The following RFPL3 variants were observed in gnomAD, a reference collection of about 807,000 sequenced individuals.
The protein encoded by RFPL3 is ret finger protein like 3.
RFPL3 carries 8 observed loss-of-function variants against 8.7 expected under a neutral mutation model. That is an observed-to-expected ratio of 0.92 (90% CI 0.54 to 1.66). The LOEUF (loss-of-function observed/expected upper bound fraction) is 1.66, where lower values mean the gene tolerates loss of function less well. Among genes scored for constraint, RFPL3 ranks in the 40% most tolerant of loss-of-function variants. RFPL3 has a pLI of 0.00. For synonymous variants in RFPL3, 145 were observed against 150.5 expected (o/e 0.96, Z 0.27); for missense variants, 341 against 395.0 (o/e 0.86, Z 1.16).
At chr22:32,355,875 C>A (rs535325456), upstream of RFPL3, among the ~76,000 whole-genome samples, 5 of 151,994 alleles carry the variant, frequency 3.3e-5, no homozygotes, top group African/African-American at 1.2e-4. Flanking sequence ...TGCATATTCT[C>A]ATAGAAATAA....
At position 32,360,885 on chromosome 22, in the gene RFPL3, T is replaced by C. The variant is rs1340493000; in HGVS notation, c.*53T>C. The C allele has an allele frequency of 2.0e-6, 3 of 1,491,156 alleles. No individual in the cohort carries two copies. The highest frequency in any genetic ancestry group is 1.8e-6 in the Non-Finnish European group (2 of 1,116,604). 92.4% of individuals were successfully genotyped at this position (1,491,156 alleles called of 1,614,324 possible). ...AGAAAATTACTTGGGTGGGTAGACT[T>C]AGGAATTTTCTACTTGGTAAAAGCA... On this transcript the variant is annotated 3_prime_UTR_variant, in exon 2 of 2. Transcript: ENST00000249007.
intron 1 of RFPL3, chr22:32,359,794 C>T (rs1932759118): frequency 1.2e-5 from 2 of 165,808 alleles, no homozygotes; most frequent in African/African-American, 4.8e-5. Context: ...GAACTGTGCA[C>T]AATTAATTTG....
upstream of RFPL3, among the ~76,000 whole-genome samples, chr22:32,357,569 C>T (rs774011497): frequency 7.2e-5 from 11 of 152,058 alleles, no homozygotes; most frequent in South Asian, 2.1e-4. Flanking sequence ...CAGGTTCAAG[C>T]GATTCTCCTG....
rs566034001 is a variant in RFPL3 at position 32,360,180 on chromosome 22, C to A, written c.374-72C>A. On this transcript the variant is annotated intron_variant, in intron 1 of 1. Transcript: ENST00000249007. The stretch of plus-strand genomic sequence containing the variant: ...AAACTAAAGTCAGGAGATATTTGGG[C>A]CTTTGAAGTAGAAGAGAGGCATGGG... 5 of 1,511,112 alleles carry A rather than the reference C, an allele frequency of 3.3e-6. No individual in the cohort carries two copies. The African/African-American group carries it at 4.2e-5, about 13-fold the overall frequency. The allele number at this position is 1,511,112 out of a possible 1,614,324, so 93.6% of individuals were successfully genotyped here.
intron 1 of RFPL3, chr22:32,359,917 A>G: frequency 3.2e-6 from 1 of 309,840 alleles, no homozygotes; most frequent in Admixed American, 4.6e-5. Flanking sequence ...TGTCTTAATT[A>G]TCATTTATTT....
At chr22:32,360,224 G>T (rs373266612) in intron 1 of RFPL3, 28 bp from the exon 2 acceptor site, 1 of 1,594,246 alleles carries the variant, frequency 6.3e-7, no homozygotes, top group Non-Finnish European at 8.6e-7. Context: ...CTGTCCACTT[G>T]CTGAGCAACT....
chr22:32,360,185 G>C (rs1932763969), intron 1 of RFPL3, 67 bp from the exon 2 acceptor site: 5 of 1,524,462 alleles, frequency 3.3e-6, no homozygotes, highest in East Asian at 2.3e-5. Flanking sequence ...TTGGGCCTTT[G>C]AAGTAGAAGA....
Position 32,360,618 on chromosome 22 carries a change from T to A in RFPL3, c.740T>A (p.Ile247Asn), listed in dbSNP as rs374609924. Residue 247 changes from isoleucine to asparagine, a missense_variant, in exon 2 of 2, where the codon ATT becomes AAT. Physicochemically the swap from Ile to Asn is moderately radical, Grantham distance 149 (BLOSUM62 -3). Transcript: ENST00000249007. Reference protein sequence around the residue: ...LVDRKLQRVGIFLDMGMQNVS... With the variant: ...LVDRKLQRVGNFLDMGMQNVS... ...GACCGCAAGTTACAGCGAGTGGGGATTTTTCTGGATATGGGCATGCAGAAC... is the reference window on the plus strand; with the variant it reads ...GACCGCAAGTTACAGCGAGTGGGGAATTTTCTGGATATGGGCATGCAGAAC... 1.6e-5 allele frequency: 26 copies of A among 1,613,084 alleles called. No individual in the cohort carries two copies. The highest frequency in any genetic ancestry group is 2.1e-5 in the Non-Finnish European group (25 of 1,179,320).
rs1261604165 is a variant in RFPL3, at chr22:32,358,141, T to C, written c.70T>C (p.Phe24Leu). 22 of 1,613,972 alleles carry C rather than the reference T, an allele frequency of 1.4e-5. No individual in the cohort carries two copies. The highest frequency in any genetic ancestry group is 1.8e-5 in the Non-Finnish European group (21 of 1,179,874). ...AGGAAATTTTCTTCCCTTGTGTACT[T>C]TTCCCCTGGCAGTGGACATGGCTGC... ...PQGNFLPLCT[F>L]PLAVDMAALF... Residue 24 changes from phenylalanine (F) to leucine (L), a missense_variant, in exon 1 of 2, where the codon TTT becomes CTT. By Grantham distance (22) the Phe-to-Leu change is conservative. Coordinates refer to ENST00000249007, the MANE Select transcript of RFPL3 (RefSeq NM_001098535.1).
chr22:32,355,781 C>CAAAAAAAAAAAA (rs5844988), upstream of RFPL3, among the ~76,000 whole-genome samples: 9 of 99,930 alleles, frequency 9.0e-5, no homozygotes, highest in Admixed American at 1.0e-4. Context: ...GACTTTGTCT[C>CAAAAAAAAAAAA]AAAAAAAAAA....
upstream of RFPL3, among the ~76,000 whole-genome samples, chr22:32,355,781 C>CAAAAAA (rs5844988): frequency 9.0e-5 from 9 of 99,934 alleles, no homozygotes; most frequent in African/African-American, 2.0e-4. Context: ...GACTTTGTCT[C>CAAAAAA]AAAAAAAAAA....
At chr22:32,357,316 G>A (rs977938076), upstream of RFPL3, among the ~76,000 whole-genome samples, 1 of 152,090 alleles carries the variant, frequency 6.6e-6, no homozygotes, top group African/African-American at 2.4e-5. Flanking sequence ...GTGACCTGGC[G>A]TGGTCTCTGC....
Position 32,358,203 on chromosome 22 carries a change from A to T in RFPL3, c.132A>T (p.Ser44=). The T allele has an allele frequency of 6.2e-7, 1 of 1,613,996 alleles. No individual in the cohort carries two copies. Among genetic ancestry groups the T allele is most frequent in the South Asian group, 1.1e-5 (1 of 91,070 alleles). The change falls in exon 1 of 2, where the codon TCA becomes TCT. Residue 44 remains serine (S), a synonymous_variant. Transcript: ENST00000249007. ...AAGCAAGCAGCTGTCCCGTCTGCTC[A>T]GACTATCTGGAAAAACCAATGTCCC... ...FQEASSCPVC[S]DYLEKPMSLE...
upstream of RFPL3, among the ~76,000 whole-genome samples, chr22:32,357,151 ACT>A (rs928661947): frequency 2.0e-5 from 3 of 151,494 alleles, 1 homozygote; most frequent in African/African-American, 7.3e-5. Context: ...TCCTAAAACA[ACT>A]CTCTGTCATT....
rs534850183 is a variant in RFPL3 at position 32,358,320 on chromosome 22, G to T, written c.249G>T (p.Met83Ile). 6.2e-7 allele frequency: 1 copy of T among 1,613,922 alleles called. No homozygotes were observed. Among genetic ancestry groups the T allele is most frequent in the African/African-American group, 1.3e-5 (1 of 74,906 alleles). ...ATCTGCTTTGCTGTTGCTGTTCCATGGTCTCTCAGAGGAACAAAATCAGGC... is the reference window on the plus strand; with the variant it reads ...ATCTGCTTTGCTGTTGCTGTTCCATTGTCTCTCAGAGGAACAAAATCAGGC... Reference protein sequence around the residue: ...GEDLLCCCCSMVSQRNKIRPN... With the variant: ...GEDLLCCCCSIVSQRNKIRPN... Residue 83 changes from methionine to isoleucine, a missense_variant, in exon 1 of 2, where the codon ATG (methionine) becomes ATT (isoleucine). Physicochemically the swap from Met to Ile is conservative, Grantham distance 10. Coordinates refer to ENST00000249007, the MANE Select transcript of RFPL3 (RefSeq NM_001098535.1).
Position 32,360,843 on chromosome 22 carries a change from C to CAA in RFPL3, c.*19_*20dup. The CAA allele has an allele frequency of 1.4e-6, 2 of 1,467,642 alleles. No homozygotes were observed. Among genetic ancestry groups the CAA allele is most frequent in the Middle Eastern group, 1.8e-4 (1 of 5,456 alleles). 90.9% of individuals were successfully genotyped at this position (1,467,642 alleles called of 1,614,324 possible). On this transcript the variant is annotated 3_prime_UTR_variant, in exon 2 of 2. Transcript: ENST00000249007. ...GGGGAGGCCAAATAAGCCGCCACTGCAAAAAAAAACAGGGTCAGAAAATTA... is the reference window on the plus strand; with the variant it reads ...GGGGAGGCCAAATAAGCCGCCACTGCAAAAAAAAAAACAGGGTCAGAAAATTA...
In RFPL3 at chr22:32,360,283, C is replaced by T. The variant is rs1333190219; in HGVS notation, c.405C>T (p.Asn135=). 2.7e-5 allele frequency: 44 copies of T among 1,613,596 alleles called. No homozygotes were observed. Among genetic ancestry groups the T allele is most frequent in the Non-Finnish European group, 3.6e-5 (42 of 1,179,662 alleles). ...VDMTLDADTA[N]NFLLISDDLR... Reference sequence around the variant, plus strand: ...TGACCTTGGATGCCGACACAGCCAACAACTTCCTCCTCATTTCTGACGACC... The same window carrying T: ...TGACCTTGGATGCCGACACAGCCAATAACTTCCTCCTCATTTCTGACGACC... The change falls in exon 2 of 2, where the codon AAC becomes AAT. Residue 135 remains asparagine (N), a synonymous_variant. Coordinates refer to ENST00000249007, the MANE Select transcript of RFPL3 (RefSeq NM_001098535.1).
At chr22:32,358,492 A>G in intron 1 of RFPL3, 48 bp downstream of exon 1, 2 of 1,565,604 alleles carry the variant, frequency 1.3e-6, no homozygotes, top group South Asian at 2.5e-5. Context: ...AGACCAGGAA[A>G]AATCATCTGT....
intron 1 of RFPL3, among the ~76,000 whole-genome samples, chr22:32,359,726 C>T (rs1232603225): frequency 6.6e-6 from 1 of 152,184 alleles, no homozygotes; most frequent in East Asian, 1.9e-4. Context: ...TCCTAATGTC[C>T]AGGACCAGCA....
Sources: gnomAD v4.1 joint callset for allele counts (sites outside exome capture counted in the v4.1 genomes callset) on GRCh38, gnomAD v4.1.1 for gene constraint, MANE v1.5 for transcripts, NCBI Gene and HGNC (gene_info 2026-07-23, HGNC 2026-07-21) for gene names.